SLC4A8: variants seen among roughly 807,000 people sequenced by gnomAD.
SLC4A8 encodes solute carrier family 4 member 8, also known as electroneutral sodium bicarbonate exchanger 1.
SLC4A8 carries 40 observed loss-of-function variants against 125.0 expected under a neutral mutation model. The ratio of observed to expected loss-of-function variants is 0.32; its 90% CI spans 0.25 to 0.42. SLC4A8 has a LOEUF of 0.42. SLC4A8 is among the 10% of genes least tolerant of loss of function. The probability of loss-of-function intolerance (pLI) is 1.00; values close to 1 mark genes in which losing one functional copy is unlikely to be tolerated. For missense variants in SLC4A8, 863 were observed against 1,355.1 expected (o/e 0.64, Z 5.70); for synonymous variants, 456 against 476.0 (o/e 0.96, Z 0.55).
rs929722213 is a variant in SLC4A8, at chr12:51,514,081, C to T, written c.*6643C>T. 6 of 152,526 alleles carry T rather than the reference C, an allele frequency of 3.9e-5. No individual in the cohort carries two copies. The highest frequency in any genetic ancestry group is 5.9e-5 in the Non-Finnish European group (4 of 68,042). The allele number at this position is 152,526 out of a possible 1,614,324, so 9.4% of individuals were successfully genotyped here. Reference sequence around the variant, plus strand: ...GCCCCAGAGCCCCTGGCTTTTTCAACGAGCATCAGAAATGCTATCAATATA... The same window carrying T: ...GCCCCAGAGCCCCTGGCTTTTTCAATGAGCATCAGAAATGCTATCAATATA... On this transcript the variant is annotated 3_prime_UTR_variant, in exon 25 of 25. Transcript: ENST00000453097.
intron 22 of SLC4A8, chr12:51,502,134 T>C (rs889827973): frequency 2.0e-5 from 3 of 152,178 alleles, no homozygotes; most frequent in African/African-American, 7.2e-5. Flanking sequence ...CTACAAAACA[T>C]TGCTGAAAGA....
At chr12:51,489,548 G>A in intron 18 of SLC4A8, 152 bp from the exon 19 acceptor site, 1 of 847,576 alleles carries the variant, frequency 1.2e-6, no homozygotes, top group Non-Finnish European at 1.8e-6. Flanking sequence ...CTCCTAACCA[G>A]GAGGGGCTAC....
At chr12:51,421,669 C>T (rs552999131), upstream of SLC4A8, among the ~76,000 whole-genome samples, 55 of 152,256 alleles carry the variant, frequency 3.6e-4, no homozygotes, top group Middle Eastern at 3.4e-3. Context: ...CCACCATCCT[C>T]GGCTCCTGAA....
intron 1 of SLC4A8, among the ~76,000 whole-genome samples, chr12:51,417,521 ATTT>A (rs112780806): frequency 7.4e-6 from 1 of 135,156 alleles, no homozygotes. Flanking sequence ...TAATTTTTGT[ATTT>A]TTTTTTTTTT....
At position 51,512,184 on chromosome 12, in the gene SLC4A8, A is replaced by G. The variant is rs1938388844; in HGVS notation, c.*4746A>G. On this transcript the variant is annotated 3_prime_UTR_variant, in exon 25 of 25. Transcript: ENST00000453097. ...GACACAATCATTGTGCACTTTGTTA[A>G]TTTGGTATGGTGGTGCCACACATTA... is the stretch of plus-strand genomic sequence containing the variant. 6.6e-6 allele frequency: 1 copy of G among 152,164 alleles called. No homozygotes were observed. Among genetic ancestry groups the G allele is most frequent in the East Asian group, 1.9e-4 (1 of 5,190 alleles). 9.4% of individuals were successfully genotyped at this position (152,164 alleles called of 1,614,324 possible). A position where few individuals can be genotyped will look rare whatever the true frequency, so the allele number is the denominator to read the frequency against.
chr12:51,398,405 A>G (rs1948306392), intron 1 of SLC4A8, among the ~76,000 whole-genome samples: 1 of 152,214 alleles, frequency 6.6e-6, no homozygotes, highest in Non-Finnish European at 1.5e-5. Flanking sequence ...TACTTAAATC[A>G]CACAAGATCA....
chr12:51,493,293 G>C (rs747190008), intron 19 of SLC4A8, among the ~76,000 whole-genome samples: 2 of 151,940 alleles, frequency 1.3e-5, no homozygotes, highest in Non-Finnish European at 2.9e-5. Flanking sequence ...AGCTTTTTTG[G>C]TTCACGTTAA....
chr12:51,441,014 T>C (rs1949576973), intron 2 of SLC4A8: 3 of 1,137,692 alleles, frequency 2.6e-6, no homozygotes, highest in Non-Finnish European at 3.3e-6. Flanking sequence ...ACATGGGAGA[T>C]AGTGCTTTGA....
rs200851656 is a variant in SLC4A8, at chr12:51,440,770, T to C, written c.111T>C (p.Tyr37=). Residue 37 remains tyrosine, a synonymous_variant, in exon 2 of 25, where the codon TAT becomes TAC. Transcript: ENST00000453097. ...GGTSTILNIH[Y]EKEELEGHRT... is the part of the protein sequence containing the mutation. ...CCAGTACAATTCTCAACATTCACTATGAAAAAGAAGAGCTGGAAGGTAAGA... is the reference window on the plus strand; with the variant it reads ...CCAGTACAATTCTCAACATTCACTACGAAAAAGAAGAGCTGGAAGGTAAGA... 3.7e-4 allele frequency: 591 copies of C among 1,607,500 alleles called. 10 individuals carry two copies. In the South Asian group the frequency reaches 6.3e-3, roughly 17 times the overall value.
intron 1 of SLC4A8, among the ~76,000 whole-genome samples, chr12:51,426,246 C>G (rs1299139075): frequency 6.6e-6 from 1 of 152,140 alleles, no homozygotes; most frequent in Non-Finnish European, 1.5e-5. Context: ...TCCTTCTTTC[C>G]TTGCTCTGTC....
rs2138473578 is a variant in SLC4A8, at chr12:51,510,671, C to G, written c.*3233C>G. On this transcript the variant is annotated 3_prime_UTR_variant, in exon 25 of 25. Transcript: ENST00000453097. ...CATCAGACTCAACTTTGTCCCCTCT[C>G]TTTCTTTTCATGCAAGAGACTTTAA... The G allele has an allele frequency of 6.6e-6, 1 of 152,328 alleles. No individual in the cohort carries two copies. Among genetic ancestry groups the G allele is most frequent in the South Asian group, 2.1e-4 (1 of 4,830 alleles). 9.4% of individuals were successfully genotyped at this position (152,328 alleles called of 1,614,324 possible).
chr12:51,397,911 T>C (rs1455083354), intron 1 of SLC4A8, among the ~76,000 whole-genome samples: 1 of 151,958 alleles, frequency 6.6e-6, no homozygotes, highest in Non-Finnish European at 1.5e-5. Flanking sequence ...CTATAAAAAG[T>C]ACAAAAATTA....
chr12:51,501,020 CG>C (rs960804938), intron 22 of SLC4A8, among the ~76,000 whole-genome samples: 9 of 152,022 alleles, frequency 5.9e-5, no homozygotes, highest in Admixed American at 5.9e-4. Context: ...TAGTAGAGAC[CG>C]GGTTTCACGG....
At chr12:51,464,059 A>ACT (rs531631210) in intron 11 of SLC4A8, among the ~76,000 whole-genome samples, 1 of 151,744 alleles carries the variant, frequency 6.6e-6, no homozygotes, top group Non-Finnish European at 1.5e-5. Context: ...GCCTTCTAGG[A>ACT]CTCTCTCTGG....
intron 17 of SLC4A8, 44 bp from the exon 18 acceptor site, chr12:51,488,655 T>C: frequency 3.3e-6 from 5 of 1,514,978 alleles, no homozygotes; most frequent in Non-Finnish European, 4.6e-6. Flanking sequence ...TTTACCCCAA[T>C]GACTATAACT....
intron 2 of SLC4A8, among the ~76,000 whole-genome samples, chr12:51,444,439 G>A (rs922922502): frequency 1.3e-5 from 2 of 152,144 alleles, no homozygotes; most frequent in Non-Finnish European, 2.9e-5. Context: ...CAAAAGACAG[G>A]CATTGCGATT....
At chr12:51,434,112 C>T (rs745799060) in intron 1 of SLC4A8, among the ~76,000 whole-genome samples, 4 of 152,024 alleles carry the variant, frequency 2.6e-5, no homozygotes, top group Non-Finnish European at 5.9e-5. Flanking sequence ...CAGCCTCAAA[C>T]GATCCTCCCA....
intron 5 of SLC4A8, among the ~76,000 whole-genome samples, chr12:51,455,881 T>C (rs73095199): frequency 5.3e-5 from 8 of 152,298 alleles, no homozygotes; most frequent in Non-Finnish European, 7.3e-5. Flanking sequence ...TGACTATTTG[T>C]CTGAAATCCC....
At chr12:51,433,275 T>A (rs2138078590) in intron 1 of SLC4A8, among the ~76,000 whole-genome samples, 1 of 152,334 alleles carries the variant, frequency 6.6e-6, no homozygotes, top group East Asian at 1.9e-4. Flanking sequence ...CTCTTAGTTC[T>A]TTTTATCTAT....
Sources: allele counts gnomAD v4.1 joint callset (sites outside exome capture counted in the v4.1 genomes callset), GRCh38; gene constraint gnomAD v4.1.1; transcripts MANE v1.5; gene names NCBI Gene and HGNC (gene_info 2026-07-23, HGNC 2026-07-21).